Variants in TRAM2 observed in about 807,000 individuals in gnomAD.
TRAM2 encodes translocation associated membrane protein 2.
A neutral mutation model predicts 51.0 loss-of-function variants in TRAM2; 12 were observed. The observed-to-expected ratio is 0.24, with a 90% confidence interval of 0.15 to 0.38. TRAM2 has a LOEUF of 0.38. Among genes scored for constraint, TRAM2 ranks in the 10% least tolerant of loss-of-function variants. TRAM2 has a pLI of 1.00. For missense variants in TRAM2, 361 were observed against 462.0 expected, an observed-to-expected ratio of 0.78 and a Z score of 2.00; for synonymous variants, 175 against 179.4, an observed-to-expected ratio of 0.98 and a Z score of 0.20.
At chr6:52,571,685 G>C (rs1444376460) in intron 1 of TRAM2, among the ~76,000 whole-genome samples, 1 of 152,208 alleles carries the variant, frequency 6.6e-6, no homozygotes, top group African/African-American at 2.4e-5. Flanking sequence ...AGAAGTTCTG[G>C]GGTAGAGAGA....
At chr6:52,521,928 G>A (rs1488673438) in intron 2 of TRAM2, among the ~76,000 whole-genome samples, 1 of 152,056 alleles carries the variant, frequency 6.6e-6, no homozygotes, top group Non-Finnish European at 1.5e-5. Context: ...AGGCCAGAGA[G>A]GTGACTCTGA....
intron 7 of TRAM2, among the ~76,000 whole-genome samples, chr6:52,507,149 C>G (rs926232305): frequency 6.6e-6 from 1 of 152,198 alleles, no homozygotes; most frequent in African/African-American, 2.4e-5. Context: ...TCCAGGGCTA[C>G]GAGCTCTAGC....
chr6:52,566,077 C>T (rs1581703034), intron 1 of TRAM2, among the ~76,000 whole-genome samples: 1 of 152,140 alleles, frequency 6.6e-6, no homozygotes, highest in South Asian at 2.1e-4. Flanking sequence ...AAACAAATAC[C>T]TTTTTATTAT....
At chr6:52,521,958 G>A (rs1182343660) in intron 2 of TRAM2, among the ~76,000 whole-genome samples, 5 of 152,122 alleles carry the variant, frequency 3.3e-5, no homozygotes, top group East Asian at 1.9e-4. Flanking sequence ...AAAACAAAAC[G>A]CCTACAGGGA....
intron 2 of TRAM2, chr6:52,522,791 T>C: frequency 1.6e-6 from 1 of 640,418 alleles, no homozygotes; most frequent in Non-Finnish European, 2.8e-6. Context: ...TGACAACCTC[T>C]GTGAGCAGCT....
At chr6:52,573,806 G>A (rs948329006) in intron 1 of TRAM2, among the ~76,000 whole-genome samples, 1 of 152,032 alleles carries the variant, frequency 6.6e-6, no homozygotes, top group African/African-American at 2.4e-5. Context: ...AAAGAGCAAC[G>A]CAGGGATGCA....
rs373907351 is a variant in TRAM2, at chr6:52,532,186, C to T, written c.184+3597G>A. On this transcript the variant is annotated intron_variant, in intron 2 of 10. Transcript: ENST00000182527. The stretch of plus-strand genomic sequence containing the variant: ...GAAGGTTTCAAACTCAAAAATCAAC[C>T]CTCTGATCATGATCTGGCTTCACAA... Among the ~76,000 whole-genome samples the T allele has an allele frequency of 2.6e-5, 4 of 152,246 alleles. No homozygotes were observed. The East Asian group carries it at 5.8e-4, about 22-fold the overall frequency.
intron 1 of TRAM2, among the ~76,000 whole-genome samples, chr6:52,562,096 T>TA (rs1183528625): frequency 6.6e-6 from 1 of 152,116 alleles, no homozygotes; most frequent in Non-Finnish European, 1.5e-5. Context: ...AAAAAAACTT[T>TA]AAAAAGGGAT....
At chr6:52,508,734 A>G (rs1454142758) in intron 5 of TRAM2, among the ~76,000 whole-genome samples, 1 of 152,152 alleles carries the variant, frequency 6.6e-6, no homozygotes, top group Non-Finnish European at 1.5e-5. Flanking sequence ...TATTGCTCTT[A>G]AAGATCTCGG....
chr6:52,541,268 G>C (rs1172938245), intron 1 of TRAM2, among the ~76,000 whole-genome samples: 1 of 152,166 alleles, frequency 6.6e-6, no homozygotes, highest in Non-Finnish European at 1.5e-5. Context: ...GTGCTTATTT[G>C]GTGCCATGCA....
chr6:52,516,573 C>T, intron 3 of TRAM2, 55 bp downstream of exon 3: 8 of 1,471,904 alleles, frequency 5.4e-6, no homozygotes, highest in South Asian at 3.4e-5. Context: ...GCCAGGTCCT[C>T]CACCCCAAGG....
At chr6:52,571,026 A>G (rs777225144) in intron 1 of TRAM2, among the ~76,000 whole-genome samples, 2 of 152,126 alleles carry the variant, frequency 1.3e-5, no homozygotes, top group Non-Finnish European at 2.9e-5. Context: ...TGTTTGTGAG[A>G]TAAGAAGGGC....
intron 1 of TRAM2, among the ~76,000 whole-genome samples, chr6:52,540,351 C>T (rs542156755): frequency 2.6e-5 from 4 of 152,094 alleles, no homozygotes; most frequent in African/African-American, 9.6e-5. Context: ...GGAAAGAACA[C>T]AAAAAATATG....
chr6:52,526,919 A>C (rs1766791627), intron 2 of TRAM2, among the ~76,000 whole-genome samples: 1 of 152,208 alleles, frequency 6.6e-6, no homozygotes, highest in African/African-American at 2.4e-5. Context: ...TGAACTTTTT[A>C]AAATTCATTG....
rs556634007 is a variant in TRAM2 at position 52,499,613 on chromosome 6, G to A, written c.*3584C>T. ...TTATTAGCTGCTTAGAAAAAAGAAG[G>A]GGTACTGACAAAGGAGGTCCCAAAA... On this transcript the variant is annotated 3_prime_UTR_variant, in exon 11 of 11. Coordinates refer to ENST00000182527, the MANE Select transcript of TRAM2 (RefSeq NM_012288.4). The A allele has an allele frequency of 6.6e-6, 1 of 152,052 alleles. No homozygotes were observed. The highest frequency in any genetic ancestry group is 1.5e-5 in the Non-Finnish European group (1 of 68,028). The allele number at this position is 152,052 out of a possible 1,614,324, so 9.4% of individuals were successfully genotyped here. A position where few individuals can be genotyped will look rare whatever the true frequency, so the allele number is the denominator to read the frequency against.
At chr6:52,565,227 GA>G (rs974765605) in intron 1 of TRAM2, among the ~76,000 whole-genome samples, 2 of 152,182 alleles carry the variant, frequency 1.3e-5, no homozygotes, top group African/African-American at 4.8e-5. Flanking sequence ...GAAAGGATCA[GA>G]AAAGATGAGA....
At chr6:52,535,728 C>T (rs1301358720) in intron 2 of TRAM2, 55 bp downstream of exon 2, 2 of 1,504,154 alleles carry the variant, frequency 1.3e-6, no homozygotes, top group East Asian at 4.5e-5. Context: ...AGGAAGCTTT[C>T]CAGGTCCTTC....
intron 1 of TRAM2, among the ~76,000 whole-genome samples, chr6:52,536,534 G>A (rs1161740002): frequency 6.6e-6 from 1 of 152,186 alleles, no homozygotes; most frequent in South Asian, 2.1e-4. Context: ...AAAACCTGGG[G>A]GTTTGAAGGT....
At chr6:52,568,707 C>T (rs528792403) in intron 1 of TRAM2, among the ~76,000 whole-genome samples, 6 of 152,152 alleles carry the variant, frequency 3.9e-5, no homozygotes, top group Non-Finnish European at 7.3e-5. Context: ...TAGCCACAGA[C>T]GTCTTCATAA....
Sources: allele counts gnomAD v4.1 joint callset (sites outside exome capture counted in the v4.1 genomes callset), GRCh38; gene constraint gnomAD v4.1.1; transcripts MANE v1.5; gene names NCBI Gene and HGNC (gene_info 2026-07-23, HGNC 2026-07-21).